Variants in TIMELESS observed in about 807,000 individuals in gnomAD.
TIMELESS encodes the protein timeless circadian regulator, also known as protein timeless homolog.
Under a neutral mutation model 164.3 loss-of-function variants are expected in TIMELESS, and 124 were observed. That is an observed-to-expected ratio of 0.75 (90% CI 0.65 to 0.88). The LOEUF is 0.88. TIMELESS is among the 40% of genes least tolerant of loss of function. The pLI is 0.00. For missense variants in TIMELESS, 1,422 were observed against 1,491.4 expected, an observed-to-expected ratio of 0.95 and a Z score of 0.77; for synonymous variants, 564 against 563.4, an observed-to-expected ratio of 1.00 and a Z score of -0.02.
Position 56,418,212 on chromosome 12 carries a change from A to C in TIMELESS, c.3376T>G (p.Cys1126Gly). The part of the protein sequence containing the change: ...PGEQGSDEEH[C>G]KEHRAQALRA... ...AGGGCTTGTGCTCGGTGCTCTTTAC[A>C]GTGCTCCTCATCAGAGCCTTGCTCT... The change falls in exon 27 of 29, where the codon TGT (cysteine) becomes GGT (glycine). Residue 1126 changes from cysteine (C) to glycine (G), a missense_variant. Coordinates refer to ENST00000553532, the MANE Select transcript of TIMELESS (RefSeq NM_003920.5). The C allele has an allele frequency of 1.9e-6, 3 of 1,614,166 alleles. No homozygotes were observed. The highest frequency in any genetic ancestry group is 2.5e-6 in the Non-Finnish European group (3 of 1,180,026).
At chr12:56,429,930 C>G (rs567817681) in intron 10 of TIMELESS, among the ~76,000 whole-genome samples, 175 bp downstream of exon 10, 4 of 152,040 alleles carry the variant, frequency 2.6e-5, no homozygotes, top group Non-Finnish European at 2.9e-5. Flanking sequence ...CCCACTCGTT[C>G]CTGGCATTTT....
At position 56,421,344 on chromosome 12, in the gene TIMELESS, T is replaced by C. The variant is rs199887619; in HGVS notation, c.2868+7A>G. On this transcript the variant is annotated splice_region_variant and intron_variant, in intron 23 of 28. Transcript: ENST00000553532. ...CCATGCCAGCAGAGCTAGGGTCAGA[T>C]TGTTACCAAGATGGAGGATGCCAAC... 39 of 1,613,102 alleles carry C rather than the reference T, an allele frequency of 2.4e-5. No individual in the cohort carries two copies. Among genetic ancestry groups the C allele is most frequent in the Admixed American group, 8.4e-5 (5 of 59,874 alleles).
At chr12:56,443,299 G>C (rs935642295) in intron 1 of TIMELESS, among the ~76,000 whole-genome samples, 3 of 152,126 alleles carry the variant, frequency 2.0e-5, no homozygotes, top group African/African-American at 7.2e-5. Flanking sequence ...CCCAGGGGTA[G>C]GCCTATAGAC....
rs1881454407 is a variant in TIMELESS at position 56,420,884 on chromosome 12, A to G, written c.3041-3T>C. 1.9e-6 allele frequency: 3 copies of G among 1,614,006 alleles called. No homozygotes were observed. The highest frequency in any genetic ancestry group is 2.7e-5 in the African/African-American group (2 of 74,902). ...CCATAGGAGCGGGATAGAAAAGCCT[A>G]AGGAAATGAGGGAAACTTACATTTG... On this transcript the variant is annotated splice_polypyrimidine_tract_variant and splice_region_variant and intron_variant, in intron 24 of 28. Transcript: ENST00000553532.
rs771133669 is a variant in TIMELESS, at chr12:56,417,984, G to T, written c.3479C>A (p.Pro1160Gln). The change falls in exon 28 of 29, where the codon CCG becomes CAG. Residue 1160 changes from proline to glutamine, a missense_variant. Pro to Gln is a moderately conservative substitution (Grantham distance 76, BLOSUM62 -1). Transcript: ENST00000553532. ...TCGTTTCTTGGGTGCTGCCTTCAGCGGCTCTTTACCAACAGCGTCTTCCTC... is the reference window on the plus strand; with the variant it reads ...TCGTTTCTTGGGTGCTGCCTTCAGCTGCTCTTTACCAACAGCGTCTTCCTC... ...PEEEDAVGKEPLKAAPKKRQL... is the reference protein window; with the variant it reads ...PEEEDAVGKEQLKAAPKKRQL... 6.2e-7 allele frequency: 1 copy of T among 1,614,006 alleles called. No individual in the cohort carries two copies. Among genetic ancestry groups the T allele is most frequent in the Non-Finnish European group, 8.5e-7 (1 of 1,180,046 alleles).
In TIMELESS at chr12:56,434,898, C is replaced by T. The variant is rs186851924; in HGVS notation, c.-61-667G>A. ...GACCCCATCTGTACAAAAAGCCAACCGTTGTGGCACACACCTGCACTCCTA... is the reference window on the plus strand; with the variant it reads ...GACCCCATCTGTACAAAAAGCCAACTGTTGTGGCACACACCTGCACTCCTA... On this transcript the variant is annotated intron_variant, in intron 1 of 28. Transcript: ENST00000553532. 1.7e-3 allele frequency among the ~76,000 whole-genome samples: 263 copies of T among 152,226 alleles called. 1 individual carries two copies. The highest frequency in any genetic ancestry group is 1.6e-3 in the Non-Finnish European group (110 of 68,004).
rs1868475500 is a variant in TIMELESS, at chr12:56,449,149, C to T, written c.-62+161G>A. ...GAACGCGGCGCGGGAGACTAAGGAG[C>T]AGAGTACAGAATTGCGCGTGCGCGC... is the stretch of plus-strand genomic sequence containing the variant. On this transcript the variant is annotated intron_variant, in intron 1 of 28. Transcript: ENST00000553532. Among the ~76,000 whole-genome samples, 4 of 152,408 alleles carry T rather than the reference C, an allele frequency of 2.6e-5. No homozygotes were observed. The South Asian group carries it at 8.3e-4, about 32-fold the overall frequency.
At position 56,420,659 on chromosome 12, in the gene TIMELESS, T is replaced by A. The variant is rs147327571; in HGVS notation, c.3138A>T (p.Pro1046=). The change falls in exon 26 of 29, where the codon CCA becomes CCT. Residue 1046 remains proline (P), a synonymous_variant. Transcript: ENST00000553532. ...DGCSQAVPLV[P]LTEENEEAME... is the part of the protein sequence containing the mutation. ...TGGCTTCCTCATTTTCCTCTGTGAG[T>A]GGCACCAATGGAACGGCCTGGGAGC... 1.2e-6 allele frequency: 2 copies of A among 1,614,042 alleles called. No homozygotes were observed. Among genetic ancestry groups the A allele is most frequent in the African/African-American group, 2.7e-5 (2 of 74,910 alleles).
At chr12:56,424,671 A>T in intron 15 of TIMELESS, 91 bp downstream of exon 15, 1 of 1,488,568 alleles carries the variant, frequency 6.7e-7, no homozygotes, top group Non-Finnish European at 9.0e-7. Flanking sequence ...TTGATGAGAC[A>T]ACTCTCTTTT....
Position 56,424,383 on chromosome 12 carries a change from C to T in TIMELESS, c.1868+379G>A, listed in dbSNP as rs557730067. Among the ~76,000 whole-genome samples, 8 of 152,186 alleles carry T rather than the reference C, an allele frequency of 5.3e-5. No individual in the cohort carries two copies. In the South Asian group the frequency reaches 1.5e-3, roughly 28 times the overall value. The stretch of plus-strand genomic sequence containing the variant: ...CTACTAGAATTAAAGTTAAGTCCGC[C>T]CTTAATGTCTTCAATAGGTTCTTGG... On this transcript the variant is annotated intron_variant, in intron 15 of 28. Coordinates refer to ENST00000553532, the MANE Select transcript of TIMELESS (RefSeq NM_003920.5).
chr12:56,431,856 A>G (rs1214985266), intron 7 of TIMELESS, among the ~76,000 whole-genome samples: 1 of 146,872 alleles, frequency 6.8e-6, no homozygotes, highest in African/African-American at 2.5e-5. Context: ...ACACATATAC[A>G]TAGAACATGT....
intron 13 of TIMELESS, among the ~76,000 whole-genome samples, chr12:56,426,274 A>C (rs961359377): frequency 3.3e-5 from 5 of 152,214 alleles, no homozygotes; most frequent in Non-Finnish European, 7.3e-5. Flanking sequence ...CTCTGAGTGC[A>C]AAAATACCCT....
intron 26 of TIMELESS, among the ~76,000 whole-genome samples, chr12:56,419,741 T>C (rs1881392028): frequency 6.6e-6 from 1 of 151,684 alleles, no homozygotes; most frequent in South Asian, 2.1e-4. Context: ...TCTGAGTCTG[T>C]GGATTCAAAC....
At chr12:56,425,840 A>G (rs1038585028) in intron 13 of TIMELESS, among the ~76,000 whole-genome samples, 1 of 152,118 alleles carries the variant, frequency 6.6e-6, no homozygotes, top group African/African-American at 2.4e-5. Context: ...CAGCCACTGC[A>G]CTCCAGCTTA....
chr12:56,446,263 G>T (rs927104440), intron 1 of TIMELESS, among the ~76,000 whole-genome samples: 1 of 152,200 alleles, frequency 6.6e-6, no homozygotes, highest in African/African-American at 2.4e-5. Flanking sequence ...ATCCTGCTTA[G>T]AACACTTCAA....
Position 56,428,544 on chromosome 12 carries a change from C to T in TIMELESS, c.1408+5G>A. The T allele has an allele frequency of 3.1e-6, 5 of 1,613,764 alleles. No individual in the cohort carries two copies. The highest frequency in any genetic ancestry group is 4.2e-6 in the Non-Finnish European group (5 of 1,179,742). On this transcript the variant is annotated splice_donor_5th_base_variant and intron_variant, in intron 12 of 28. Coordinates refer to ENST00000553532, the MANE Select transcript of TIMELESS (RefSeq NM_003920.5). ...CTGGGATCGGGGACCAGGCCAGGGC[C>T]TCACTCTTGATGATGCGGCTGCTCT... is the stretch of plus-strand genomic sequence containing the variant.
At chr12:56,420,029 A>AAAAAAAAAAAAAATATAT (rs1555176447) in intron 26 of TIMELESS, among the ~76,000 whole-genome samples, 1 of 75,186 alleles carries the variant, frequency 1.3e-5, no homozygotes, top group African/African-American at 6.7e-5. Flanking sequence ...AAAAAAAAAA[A>AAAAAAAAAAAAAATATAT]ATATATATAT....
At position 56,418,375 on chromosome 12, in the gene TIMELESS, A is replaced by C; in HGVS notation, c.3229-16T>G. The stretch of plus-strand genomic sequence containing the variant: ...AGAAGGTTTCCTACAGGGGCCAAAA[A>C]GTTGAAAAGGGAAAGGACCAGCTTT... On this transcript the variant is annotated splice_polypyrimidine_tract_variant and intron_variant, in intron 26 of 28. Coordinates refer to ENST00000553532, the MANE Select transcript of TIMELESS (RefSeq NM_003920.5). 1 of 1,583,222 alleles carries C rather than the reference A, an allele frequency of 6.3e-7. No individual in the cohort carries two copies. The highest frequency in any genetic ancestry group is 8.6e-7 in the Non-Finnish European group (1 of 1,164,408).
rs760654733 is a variant in TIMELESS, at chr12:56,417,803, G to A, written c.3557-17C>T. The stretch of plus-strand genomic sequence containing the variant: ...ACTCTGGTGCTGTGGGAACGATGGG[G>A]GTGAGAGAGAGAGAGAATATCTAAA... On this transcript the variant is annotated splice_polypyrimidine_tract_variant and intron_variant, in intron 28 of 28. Transcript: ENST00000553532. The A allele has an allele frequency of 6.2e-6, 10 of 1,614,080 alleles. No homozygotes were observed. Among genetic ancestry groups the A allele is most frequent in the Non-Finnish European group, 8.5e-6 (10 of 1,179,952 alleles).
Sources: allele counts gnomAD v4.1 joint callset (sites outside exome capture counted in the v4.1 genomes callset), GRCh38; gene constraint gnomAD v4.1.1; transcripts MANE v1.5; gene names NCBI Gene and HGNC (gene_info 2026-07-23, HGNC 2026-07-21).